The following ALG13 variants were observed in gnomAD, a reference collection of about 807,000 sequenced individuals.
ALG13 encodes the protein ALG13 UDP-N-acetylglucosaminyltransferase subunit, also known as UDP-N-acetylglucosamine transferase subunit ALG13.
Under a neutral mutation model 87.8 loss-of-function variants are expected in ALG13, and 11 were observed. The ratio of observed to expected loss-of-function variants is 0.13; its 90% confidence interval spans 0.08 to 0.21. ALG13 has a LOEUF of 0.21. ALG13 is among the 10% of genes least tolerant of loss of function. ALG13 has a pLI of 1.00. For missense variants in ALG13, 756 were observed against 866.1 expected (o/e 0.87, Z 1.60); for synonymous variants, 320 against 306.3 (o/e 1.04, Z -0.47).
chrX:111,717,227 GA>G (rs965231757), intron 8 of ALG13, among the ~76,000 whole-genome samples: 2 of 108,808 alleles, frequency 1.8e-5, no homozygotes, highest in Non-Finnish European at 3.8e-5. Flanking sequence ...ATTGTTTTGG[GA>G]AAAAAAAACC....
intron 24 of ALG13, among the ~76,000 whole-genome samples, chrX:111,751,160 C>T (rs750910705): frequency 6.5e-5 from 7 of 107,007 alleles, no homozygotes; most frequent in Non-Finnish European, 1.4e-4. Context: ...CCTCCACCTC[C>T]CAGGTTCAAG....
At chrX:111,681,434 C>T (rs1933120354) in intron 1 of ALG13, 135 bp downstream of exon 1, 5 of 1,130,788 alleles carry the variant, frequency 4.4e-6, no homozygotes, top group Admixed American at 2.8e-5. Flanking sequence ...GGTGCCGCTG[C>T]CCCTTAGCTG....
At chrX:111,702,455 CTTTGT>C (rs1004483379) in intron 3 of ALG13, among the ~76,000 whole-genome samples, 12 of 111,694 alleles carry the variant, frequency 1.1e-4, no homozygotes, top group African/African-American at 3.9e-4. Context: ...TCCTGTAAAA[CTTTGT>C]TTTATCTCAT....
intron 23 of ALG13, among the ~76,000 whole-genome samples, chrX:111,741,629 A>G (rs1943743815): frequency 1.8e-5 from 2 of 110,817 alleles, no homozygotes; most frequent in African/African-American, 6.6e-5. Flanking sequence ...CCTGGCCAAC[A>G]TAGGGAAACC....
Position 111,756,299 on chromosome X carries a change from A to G in ALG13, c.2974-1289A>G, listed in dbSNP as rs1286959536. On this transcript the variant is annotated intron_variant, in intron 25 of 26. Coordinates refer to ENST00000394780, the MANE Select transcript of ALG13 (RefSeq NM_001099922.3). Reference sequence around the variant, plus strand: ...AAAGGGAGGGAGAGCATTAGGACAAATACCTAATGTAGGTGACAGATTGAT... The same window carrying G: ...AAAGGGAGGGAGAGCATTAGGACAAGTACCTAATGTAGGTGACAGATTGAT... 6.3e-5 allele frequency among the ~76,000 whole-genome samples: 7 copies of G among 111,750 alleles called. No homozygotes were observed. The South Asian group carries it at 2.7e-3, about 42-fold the overall frequency.
intron 9 of ALG13, 67 bp from the exon 10 acceptor site, chrX:111,718,045 G>A: frequency 1.8e-6 from 2 of 1,098,145 alleles, no homozygotes; most frequent in Non-Finnish European, 2.5e-6. Flanking sequence ...GCAGGATTAT[G>A]ACTATTTTCA....
intron 3 of ALG13, among the ~76,000 whole-genome samples, chrX:111,697,374 G>T (rs1937116192): frequency 9.0e-6 from 1 of 111,634 alleles, no homozygotes. Flanking sequence ...TTGTTCTAGA[G>T]CAGTGGTTTT....
chrX:111,693,887 A>T (rs1425474374), intron 3 of ALG13, among the ~76,000 whole-genome samples: 52 of 110,879 alleles, frequency 4.7e-4, no homozygotes, highest in Non-Finnish European at 7.6e-5. Context: ...CCGGGTTAAG[A>T]ATCCCTAGGC....
chrX:111,736,633 A>G, intron 22 of ALG13, 81 bp from the exon 23 acceptor site: 1 of 939,362 alleles, frequency 1.1e-6, no homozygotes, highest in Non-Finnish European at 1.5e-6. Flanking sequence ...ACTAATTACT[A>G]TTTTCTGAAG....
At chrX:111,681,628 CCGAGCTCGGGT>C in intron 1 of ALG13, 1 of 929,148 alleles carries the variant, frequency 1.1e-6, no homozygotes, top group Non-Finnish European at 1.3e-6. Context: ...CTCCGCCCCT[CCGAGCTCGGGT>C]TTTCCACCGG....
At chrX:111,735,399 C>T (rs1943140286) in intron 22 of ALG13, among the ~76,000 whole-genome samples, 1 of 111,680 alleles carries the variant, frequency 9.0e-6, no homozygotes, top group South Asian at 3.7e-4. Context: ...CTAAATTACC[C>T]ATCAATTCTG....
At position 111,757,638 on chromosome X, in the gene ALG13, G is replaced by T; in HGVS notation, c.3024G>T (p.Gln1008His). 8.3e-7 allele frequency: 1 copy of T among 1,209,163 alleles called. No homozygotes were observed. Among genetic ancestry groups the T allele is most frequent in the South Asian group, 1.8e-5 (1 of 56,703 alleles). ...CCATGGTCTATGTGCCACAGATGCAGCAGCAGCTTCATGTAGAGAATTATC... is the reference window on the plus strand; with the variant it reads ...CCATGGTCTATGTGCCACAGATGCATCAGCAGCTTCATGTAGAGAATTATC... ...WHSMVYVPQM[Q>H]QQLHVENYPV... The change falls in exon 26 of 27, where the codon CAG becomes CAT. Residue 1008 changes from glutamine to histidine, a missense_variant. Transcript: ENST00000394780.
At chrX:111,682,906 A>C (rs972230408) in intron 2 of ALG13, among the ~76,000 whole-genome samples, 1 of 111,940 alleles carries the variant, frequency 8.9e-6, no homozygotes, top group Non-Finnish European at 1.9e-5. Context: ...GACCGCCCTG[A>C]TGGTCTAGTT....
intron 2 of ALG13, among the ~76,000 whole-genome samples, chrX:111,683,470 C>T (rs1367383346): frequency 3.7e-5 from 4 of 108,305 alleles, no homozygotes; most frequent in Admixed American, 1.0e-4. Flanking sequence ...GCTGAGATTA[C>T]AGGTGCACAC....
At chrX:111,703,505 C>T (rs1348540434) in intron 3 of ALG13, among the ~76,000 whole-genome samples, 1 of 111,534 alleles carries the variant, frequency 9.0e-6, no homozygotes, top group Non-Finnish European at 1.9e-5. Flanking sequence ...CCAGTGCCCC[C>T]ATTTATCCTT....
intron 15 of ALG13, among the ~76,000 whole-genome samples, chrX:111,726,521 C>T (rs979222733): frequency 3.6e-5 from 4 of 111,135 alleles, no homozygotes; most frequent in African/African-American, 1.3e-4. Context: ...CGTGAGCCAC[C>T]GTGCCTGGCC....
At chrX:111,753,739 C>T (rs1944969512) in intron 25 of ALG13, among the ~76,000 whole-genome samples, 1 of 111,633 alleles carries the variant, frequency 9.0e-6, no homozygotes, top group African/African-American at 3.3e-5. Context: ...AGTCGAATTC[C>T]TGAGTAGACC....
chrX:111,688,875 A>C (rs941275328), intron 3 of ALG13: 7 of 751,066 alleles, frequency 9.3e-6, no homozygotes, highest in Non-Finnish European at 9.4e-6. Context: ...GTGTGGTCTC[A>C]AGACCTTTAC....
intron 23 of ALG13, among the ~76,000 whole-genome samples, chrX:111,742,680 G>A (rs970062262): frequency 4.5e-5 from 5 of 111,995 alleles, no homozygotes; most frequent in African/African-American, 1.6e-4. Context: ...CTTTGTATTA[G>A]TTTTGGTAGC....
Sources: allele counts gnomAD v4.1 joint callset (sites outside exome capture counted in the v4.1 genomes callset), GRCh38; gene constraint gnomAD v4.1.1; transcripts MANE v1.5; gene names NCBI Gene and HGNC (gene_info 2026-07-23, HGNC 2026-07-21).